PTPRD: variants seen among roughly 807,000 people sequenced by gnomAD.
PTPRD encodes protein tyrosine phosphatase receptor type D, also known as receptor-type tyrosine-protein phosphatase delta.
In PTPRD, 34 loss-of-function variants were observed where a neutral mutation model predicts 214.5. That is an observed-to-expected ratio of 0.16 (90% CI 0.12 to 0.21). The LOEUF is 0.21. Among genes scored for constraint, PTPRD ranks in the 10% least tolerant of loss-of-function variants. PTPRD has a pLI of 1.00. For missense variants in PTPRD, 2,545 were observed against 2,398.7 expected (o/e 1.06, Z -1.27); for synonymous variants, 1,128 against 845.7 (o/e 1.33, Z -5.79).
intron 7 of PTPRD, among the ~76,000 whole-genome samples, chr9:9,695,348 C>T (rs916052245): frequency 6.6e-6 from 1 of 152,144 alleles, no homozygotes; most frequent in Admixed American, 6.5e-5. Flanking sequence ...TCACTCTCCT[C>T]TTTTTAAGCA....
At chr9:9,007,795 T>C (rs924464871) in intron 11 of PTPRD, among the ~76,000 whole-genome samples, 1 of 148,258 alleles carries the variant, frequency 6.7e-6, no homozygotes, top group African/African-American at 2.5e-5. Flanking sequence ...TTCAGTTGTT[T>C]CTTTCTTTTT....
rs372093228 is a variant in PTPRD at position 9,968,592 on chromosome 9, T to C, written c.-471-29982A>G. On this transcript the variant is annotated intron_variant, in intron 4 of 45. Transcript: ENST00000381196. ...GAGCACCAAAAAGAGGGTCTTTGCC[T>C]AATGTGGTGTGTTTTGAGAATGGAA... Among the ~76,000 whole-genome samples the C allele has an allele frequency of 1.1e-3, 169 of 152,252 alleles. 4 individuals carry two copies. The South Asian group carries it at 0.034, about 30-fold the overall frequency.
chr9:10,384,984 T>C (rs911886588), intron 2 of PTPRD, among the ~76,000 whole-genome samples: 1 of 151,800 alleles, frequency 6.6e-6, no homozygotes, highest in African/African-American at 2.4e-5. Context: ...CTCCTCTCTA[T>C]GTTTATAATG....
intron 10 of PTPRD, among the ~76,000 whole-genome samples, chr9:9,173,287 C>G (rs932436723): frequency 6.6e-6 from 1 of 152,126 alleles, no homozygotes; most frequent in Non-Finnish European, 1.5e-5. Context: ...CCTACTTTAT[C>G]TTGTCCTAAT....
intron 3 of PTPRD, among the ~76,000 whole-genome samples, chr9:10,312,576 C>G (rs2096296619): frequency 6.6e-6 from 1 of 151,850 alleles, no homozygotes; most frequent in Non-Finnish European, 1.5e-5. Flanking sequence ...CATCCTTTAC[C>G]TGATATGAAA....
At chr9:8,995,796 TTTTACC>T (rs2099394381) in intron 11 of PTPRD, among the ~76,000 whole-genome samples, 1 of 151,478 alleles carries the variant, frequency 6.6e-6, no homozygotes, top group South Asian at 2.1e-4. Context: ...CTAGTTTATA[TTTTACC>T]ATGTTATGAA....
chr9:8,959,615 C>T (rs1213869509), intron 11 of PTPRD, among the ~76,000 whole-genome samples: 1 of 151,854 alleles, frequency 6.6e-6, no homozygotes, highest in African/African-American at 2.4e-5. Flanking sequence ...ATGATTTTAA[C>T]CATTTGCATT....
chr9:9,674,474 A>T (rs2096891604), intron 7 of PTPRD, among the ~76,000 whole-genome samples: 1 of 151,814 alleles, frequency 6.6e-6, no homozygotes. Context: ...ATGTAGTCAT[A>T]TATTAATAAT....
Position 8,832,410 on chromosome 9 carries a change from C to CTTTTTTTT in PTPRD, c.-103-98472_-103-98465dup, listed in dbSNP as rs5896262. 1.2e-4 allele frequency among the ~76,000 whole-genome samples: 15 copies of CTTTTTTTT among 127,970 alleles called. 7 individuals carry two copies. The highest frequency in any genetic ancestry group is 2.3e-4 in the African/African-American group (8 of 34,060). The allele number at this position is 127,970 out of a possible 152,430, so 84.0% of individuals were successfully genotyped here. A position where few individuals can be genotyped will look rare whatever the true frequency, so the allele number is the denominator to read the frequency against. ...TAAAGCAAGGGGCAGCTAAAATCAT[C>CTTTTTTTT]TTTTTTTTTTTTTTTTTTTGTCAAA... is the stretch of plus-strand genomic sequence containing the variant. On this transcript the variant is annotated intron_variant, in intron 11 of 45. Transcript: ENST00000381196.
chr9:8,452,183 C>T (rs983041977), intron 33 of PTPRD, among the ~76,000 whole-genome samples: 12 of 152,188 alleles, frequency 7.9e-5, no homozygotes, highest in African/African-American at 2.9e-4. Context: ...TCCAAGACCT[C>T]AGACTCCTGA....
chr9:9,630,195 G>A (rs747174452), intron 7 of PTPRD, among the ~76,000 whole-genome samples: 8 of 152,242 alleles, frequency 5.3e-5, no homozygotes, highest in Non-Finnish European at 1.0e-4. Context: ...GAAGCTTGCT[G>A]AGTGAAGATA....
chr9:9,202,814 A>G (rs2099942656), intron 9 of PTPRD, among the ~76,000 whole-genome samples: 2 of 152,156 alleles, frequency 1.3e-5, no homozygotes, highest in Admixed American at 6.6e-5. Flanking sequence ...TGATCTTTGA[A>G]GCTTGGCTTT....
At chr9:10,274,163 C>T (rs1406681610) in intron 3 of PTPRD, among the ~76,000 whole-genome samples, 3 of 152,064 alleles carry the variant, frequency 2.0e-5, no homozygotes, top group African/African-American at 7.2e-5. Flanking sequence ...ACAGGGAAAA[C>T]ATGGAACAAA....
chr9:9,406,044 T>C (rs1388471584), intron 8 of PTPRD, among the ~76,000 whole-genome samples: 2 of 152,016 alleles, frequency 1.3e-5, no homozygotes, highest in Non-Finnish European at 2.9e-5. Context: ...TGGTTTGGAA[T>C]ATGAAGGGCT....
intron 3 of PTPRD, among the ~76,000 whole-genome samples, chr9:10,196,734 TA>T (rs1423571590): frequency 6.6e-6 from 1 of 152,018 alleles, no homozygotes; most frequent in African/African-American, 2.4e-5. Context: ...CAAACAAACA[TA>T]GTGCAGTGGA....
intron 7 of PTPRD, among the ~76,000 whole-genome samples, chr9:9,614,108 G>A (rs901590902): frequency 6.6e-5 from 10 of 151,530 alleles, no homozygotes; most frequent in East Asian, 5.8e-4. Flanking sequence ...ATGTATATAC[G>A]TATGTGTGTA....
intron 7 of PTPRD, among the ~76,000 whole-genome samples, chr9:9,693,242 G>T (rs1203813779): frequency 1.3e-5 from 2 of 152,044 alleles, no homozygotes; most frequent in Non-Finnish European, 2.9e-5. Context: ...ATCTCATCTT[G>T]AATTGTAATC....
At chr9:8,388,643 TATGACTCC>T (rs1397996513) in intron 37 of PTPRD, among the ~76,000 whole-genome samples, 3 of 152,198 alleles carry the variant, frequency 2.0e-5, no homozygotes, top group Non-Finnish European at 2.9e-5. Flanking sequence ...CTTACCAAGC[TATGACTCC>T]ATTATTAAAA....
chr9:8,935,442 C>T (rs1240632788), intron 11 of PTPRD, among the ~76,000 whole-genome samples: 1 of 152,106 alleles, frequency 6.6e-6, no homozygotes, highest in Non-Finnish European at 1.5e-5. Context: ...CACTGTGGTG[C>T]CTACCTTTAA....
Sources: allele counts gnomAD v4.1 joint callset (sites outside exome capture counted in the v4.1 genomes callset), GRCh38; gene constraint gnomAD v4.1.1; transcripts MANE v1.5; gene names NCBI Gene and HGNC (gene_info 2026-07-23, HGNC 2026-07-21).